Variants in CDYL observed in about 807,000 individuals in gnomAD.
CDYL encodes the protein chromodomain Y like.
A neutral mutation model predicts 47.3 loss-of-function variants in CDYL; 8 were observed. That is an observed-to-expected ratio of 0.17 (90% CI 0.10 to 0.31). The LOEUF (loss-of-function observed/expected upper bound fraction) is 0.31. Ranked by LOEUF, CDYL falls within the 10% of genes least tolerant of loss-of-function variation. CDYL has a pLI of 1.00. For missense variants in CDYL, 471 were observed against 701.4 expected (o/e 0.67, Z 3.71); for synonymous variants, 266 against 265.0 (o/e 1.00, Z -0.04).
At chr6:4,909,973 T>C (rs988657802) in intron 2 of CDYL, among the ~76,000 whole-genome samples, 30 of 152,200 alleles carry the variant, frequency 2.0e-4, no homozygotes, top group African/African-American at 6.7e-4. Context: ...CTTTCTGGAA[T>C]TGGCCAATTT....
chr6:4,866,609 C>T (rs904934721), intron 1 of CDYL, among the ~76,000 whole-genome samples: 18 of 152,058 alleles, frequency 1.2e-4, no homozygotes, highest in African/African-American at 1.9e-4. Context: ...TTTATTATAA[C>T]GTTGATGAGG....
At chr6:4,786,932 C>T (rs944095695) in intron 1 of CDYL, among the ~76,000 whole-genome samples, 2 of 152,192 alleles carry the variant, frequency 1.3e-5, no homozygotes, top group East Asian at 3.8e-4. Flanking sequence ...TTCACTCCTC[C>T]TGTCCTGATT....
chr6:4,903,620 C>T (rs1053285616), intron 2 of CDYL, among the ~76,000 whole-genome samples: 1 of 152,186 alleles, frequency 6.6e-6, no homozygotes, highest in African/African-American at 2.4e-5. Context: ...CTTCTGTGTC[C>T]TTTCTCACCA....
intron 1 of CDYL, among the ~76,000 whole-genome samples, chr6:4,793,770 T>G (rs1352552787): frequency 6.6e-6 from 1 of 152,022 alleles, no homozygotes; most frequent in African/African-American, 2.4e-5. Flanking sequence ...TTTGAAGGTA[T>G]TGCTGAGCAG....
intron 6 of CDYL, among the ~76,000 whole-genome samples, chr6:4,953,450 T>C (rs1169282833): frequency 6.6e-6 from 1 of 152,112 alleles, no homozygotes; most frequent in Admixed American, 6.5e-5. Context: ...TGGCAAATTA[T>C]AGGATGTGAA....
chr6:4,915,987 T>G (rs1407104272), intron 2 of CDYL, among the ~76,000 whole-genome samples: 1 of 152,242 alleles, frequency 6.6e-6, no homozygotes, highest in Non-Finnish European at 1.5e-5. Flanking sequence ...AGGAAATCTT[T>G]GGATCCACCC....
intron 4 of CDYL, among the ~76,000 whole-genome samples, chr6:4,939,108 C>T (rs1758288069): frequency 6.6e-6 from 1 of 152,136 alleles, no homozygotes; most frequent in Admixed American, 6.5e-5. Flanking sequence ...CGTAGACTGG[C>T]AAAATGGCAG....
chr6:4,794,644 A>G (rs898698848), intron 1 of CDYL, among the ~76,000 whole-genome samples: 10 of 152,350 alleles, frequency 6.6e-5, no homozygotes, highest in African/African-American at 2.2e-4. Context: ...TGAGATGGCC[A>G]GAAGGGATTG....
At chr6:4,742,226 G>A (rs1757810227) in intron 3 of CDYL, among the ~76,000 whole-genome samples, 1 of 151,964 alleles carries the variant, frequency 6.6e-6, no homozygotes, top group African/African-American at 2.4e-5. Context: ...TAATTAGCCA[G>A]GTGTGGTGGT....
intron 2 of CDYL, chr6:4,733,389 G>T (rs1229913575): frequency 1.4e-5 from 2 of 147,412 alleles, no homozygotes; most frequent in Non-Finnish European, 3.0e-5. Flanking sequence ...TTAAAAAAAT[G>T]AAACCGTAAA....
intron 3 of CDYL, among the ~76,000 whole-genome samples, chr6:4,748,418 A>G (rs771600160): frequency 9.2e-5 from 14 of 152,108 alleles, no homozygotes; most frequent in Non-Finnish European, 1.9e-4. Context: ...AACACAGGCT[A>G]TATGGCAAAT....
intron 2 of CDYL, among the ~76,000 whole-genome samples, chr6:4,932,411 C>G (rs1037794992): frequency 2.0e-5 from 3 of 152,066 alleles, no homozygotes; most frequent in Non-Finnish European, 4.4e-5. Flanking sequence ...GAGGGCCCCA[C>G]CCCCATGACC....
rs181324134 is a variant in CDYL, at chr6:4,741,077, A to G, written c.186+6233A>G. 8.3e-4 allele frequency among the ~76,000 whole-genome samples: 126 copies of G among 152,278 alleles called. 1 individual carries two copies. In the South Asian group the frequency reaches 0.016, roughly 20 times the overall value. On this transcript the variant is annotated intron_variant, in intron 3 of 8. Transcript: ENST00000328908. ...GCTGGGATTACAGGTGTGAGCCAAC[A>G]CACCTAGCCTCTATAATCATTTTAA... is the stretch of plus-strand genomic sequence containing the variant.
rs56956798 is a variant in CDYL at position 4,730,674 on chromosome 6, CAAAAAAA to C, written c.104-4068_104-4062del. Among the ~76,000 whole-genome samples, 5 of 60,458 alleles carry C rather than the reference CAAAAAAA, an allele frequency of 8.3e-5. No homozygotes were observed. The South Asian group carries it at 1.9e-3, about 22-fold the overall frequency. The allele number at this position is 60,458 out of a possible 152,430, so 39.7% of individuals were successfully genotyped here. On this transcript the variant is annotated intron_variant, in intron 2 of 8. Coordinates refer to the CDYL transcript ENST00000328908. Reference sequence around the variant, plus strand: ...GGGCAACAAGAGCGAAATTCCATCTCAAAAAAAAAAAAAAAAAAAAAAAAAAGAACAT... The same window carrying C: ...GGGCAACAAGAGCGAAATTCCATCTCAAAAAAAAAAAAAAAAAAAGAACAT...
At chr6:4,907,715 C>T (rs1368931370) in intron 2 of CDYL, among the ~76,000 whole-genome samples, 1 of 152,186 alleles carries the variant, frequency 6.6e-6, no homozygotes, top group Non-Finnish European at 1.5e-5. Flanking sequence ...CAAAACTGAT[C>T]GCAAAACCGG....
Position 4,891,957 on chromosome 6 carries a change from A to G in CDYL, c.269A>G (p.Asn90Ser), listed in dbSNP as rs1305270612. Residue 90 changes from asparagine to serine, a missense_variant, in exon 2 of 7, where the codon AAC becomes AGC. Physicochemically the swap from Asn to Ser is conservative, Grantham distance 46. This residue lies in a region of CDYL where 311 missense variants were observed against 350.0 expected (regional missense o/e 0.89). Transcript: ENST00000397588. ...CAAATCTCCAGATCCACCAACAGCA[A>G]CTTTTCTAAGACCTCTCCTAAGGCA... Reference protein sequence around the residue: ...RKQISRSTNSNFSKTSPKALV... With the variant: ...RKQISRSTNSSFSKTSPKALV... 6 of 1,614,154 alleles carry G rather than the reference A, an allele frequency of 3.7e-6. No individual in the cohort carries two copies. Among genetic ancestry groups the G allele is most frequent in the African/African-American group, 1.3e-5 (1 of 75,032 alleles).
chr6:4,848,722 A>G (rs1210444112), intron 1 of CDYL, among the ~76,000 whole-genome samples: 1 of 152,156 alleles, frequency 6.6e-6, no homozygotes, highest in Non-Finnish European at 1.5e-5. Flanking sequence ...CTGAGTCTTT[A>G]TTTGGTTTTT....
intron 3 of CDYL, among the ~76,000 whole-genome samples, chr6:4,765,062 C>A (rs2127424066): frequency 6.6e-6 from 1 of 152,298 alleles, no homozygotes; most frequent in South Asian, 2.1e-4. Flanking sequence ...GTGGCTCACG[C>A]CTGTAATCCC....
At chr6:4,887,541 TTG>T (rs1400550194) in intron 1 of CDYL, among the ~76,000 whole-genome samples, 4 of 152,174 alleles carry the variant, frequency 2.6e-5, no homozygotes, top group African/African-American at 9.7e-5. Context: ...GTATGTTGCT[TTG>T]TCTCTTGCAA....
Sources: allele counts gnomAD v4.1 joint callset (sites outside exome capture counted in the v4.1 genomes callset), GRCh38; gene constraint gnomAD v4.1.1; regional missense constraint gnomAD v4.1.1; transcripts MANE v1.5; gene names NCBI Gene and HGNC (gene_info 2026-07-23, HGNC 2026-07-21).